FBRSL1: variants seen among roughly 807,000 people sequenced by gnomAD.
FBRSL1 encodes the protein fibrosin-1-like protein.
A neutral mutation model predicts 89.6 loss-of-function variants in FBRSL1; 51 were observed. That is an observed-to-expected ratio of 0.57 (90% CI 0.45 to 0.72). FBRSL1 has a LOEUF of 0.72. Among genes scored for constraint, FBRSL1 ranks in the 30% least tolerant of loss-of-function variants. The pLI is 0.00. For missense variants in FBRSL1, 1,618 were observed against 1,451.8 expected, an observed-to-expected ratio of 1.11 and a Z score of -1.86; for synonymous variants, 779 against 681.1, an observed-to-expected ratio of 1.14 and a Z score of -2.24.
At chr12:132,573,434 G>A (rs1057288129) in intron 11 of FBRSL1, among the ~76,000 whole-genome samples, 6 of 152,210 alleles carry the variant, frequency 3.9e-5, no homozygotes, top group African/African-American at 1.2e-4. Context: ...CCCAGACCCC[G>A]TGGTTGAGGA....
intron 2 of FBRSL1, among the ~76,000 whole-genome samples, chr12:132,525,199 C>T (rs2035688328): frequency 6.6e-6 from 1 of 152,242 alleles, no homozygotes; most frequent in Non-Finnish European, 1.5e-5. Context: ...CACCTCGCTG[C>T]TTGCTCTGGC....
In FBRSL1 at chr12:132,581,694, G is replaced by A. The variant is rs3751306; in HGVS notation, c.1913-47G>A. ...GCCCCCACTGGGCCAGGTGGGAGCC[G>A]CAGCCCACGCCTCACAGACCTCTGG... On this transcript the variant is annotated intron_variant, in intron 16 of 18. Coordinates refer to ENST00000680143, the MANE Select transcript of FBRSL1 (RefSeq NM_001367871.1). 15 of 1,538,708 alleles carry A rather than the reference G, an allele frequency of 9.7e-6. 2 individuals carry two copies. Among genetic ancestry groups the A allele is most frequent in the South Asian group, 7.2e-5 (6 of 83,820 alleles).
intron 9 of FBRSL1, chr12:132,571,967 A>T (rs2040047775): frequency 2.3e-6 from 1 of 434,796 alleles, no homozygotes; most frequent in East Asian, 3.8e-5. Flanking sequence ...TTTGTCAGTA[A>T]CCCGGTGTGT....
chr12:132,540,899 A>G (rs1399747628), intron 4 of FBRSL1, among the ~76,000 whole-genome samples: 1 of 152,210 alleles, frequency 6.6e-6, no homozygotes, highest in Non-Finnish European at 1.5e-5. Context: ...AGCTGAAGAA[A>G]GTTATTTCCC....
chr12:132,522,077 C>T (rs1326104499), intron 2 of FBRSL1, among the ~76,000 whole-genome samples: 1 of 151,736 alleles, frequency 6.6e-6, no homozygotes, highest in Non-Finnish European at 1.5e-5. Flanking sequence ...GCGTGGGTCT[C>T]TGTGTGCAGC....
At chr12:132,561,016 G>A (rs2039079847) in intron 5 of FBRSL1, among the ~76,000 whole-genome samples, 1 of 152,170 alleles carries the variant, frequency 6.6e-6, no homozygotes, top group Admixed American at 6.5e-5. Context: ...AGGTGCAGCT[G>A]CTGTGTGTGG....
At chr12:132,503,122 C>T (rs543146985) in intron 1 of FBRSL1, among the ~76,000 whole-genome samples, 5 of 150,644 alleles carry the variant, frequency 3.3e-5, no homozygotes, top group African/African-American at 1.2e-4. Context: ...CACCCCACCC[C>T]CCAGGAGCCC....
chr12:132,579,623 CT>C (rs1443416699), intron 15 of FBRSL1, among the ~76,000 whole-genome samples: 1 of 152,212 alleles, frequency 6.6e-6, no homozygotes, highest in East Asian at 1.9e-4. Context: ...CTTGTGTAAA[CT>C]GTCGGTACGT....
chr12:132,504,552 C>G (rs2033442632), intron 1 of FBRSL1, among the ~76,000 whole-genome samples: 1 of 152,044 alleles, frequency 6.6e-6, no homozygotes, highest in Non-Finnish European at 1.5e-5. Context: ...CTTGGAGGGC[C>G]CCTGTGTGCG....
intron 2 of FBRSL1, chr12:132,509,971 G>A: frequency 8.1e-7 from 1 of 1,231,718 alleles, no homozygotes; most frequent in African/African-American, 1.6e-5. Flanking sequence ...GGCCAGCCCA[G>A]CCGCCCCCGG....
At chr12:132,512,322 G>A (rs937333631) in intron 2 of FBRSL1, among the ~76,000 whole-genome samples, 4 of 152,234 alleles carry the variant, frequency 2.6e-5, no homozygotes, top group Admixed American at 6.5e-5. Flanking sequence ...GCCTGGGCAC[G>A]CGTGAGGGAG....
intron 4 of FBRSL1, among the ~76,000 whole-genome samples, chr12:132,530,033 C>T (rs893375042): frequency 6.6e-6 from 1 of 152,122 alleles, no homozygotes; most frequent in Non-Finnish European, 1.5e-5. Flanking sequence ...TGATGACACT[C>T]CTCCGCCCTT....
At chr12:132,498,461 C>T (rs867149476) in intron 1 of FBRSL1, among the ~76,000 whole-genome samples, 9 of 152,226 alleles carry the variant, frequency 5.9e-5, no homozygotes, top group African/African-American at 9.6e-5. Flanking sequence ...CGACCCCTCC[C>T]GGCCCCTAGC....
At chr12:132,548,068 A>G (rs2137325880) in intron 5 of FBRSL1, 36 bp downstream of exon 5, 1 of 1,549,200 alleles carries the variant, frequency 6.5e-7, no homozygotes, top group Non-Finnish European at 8.7e-7. Context: ...CTCGGCTGAC[A>G]GCCCTGCCCT....
chr12:132,570,971 C>G, intron 8 of FBRSL1, 97 bp from the exon 9 acceptor site: 1 of 827,210 alleles, frequency 1.2e-6, no homozygotes, highest in Non-Finnish European at 1.5e-6. Flanking sequence ...AGGCTGGGGA[C>G]GGCCCCGTGT....
chr12:132,500,534 C>T (rs759009596), intron 1 of FBRSL1, among the ~76,000 whole-genome samples: 2 of 152,156 alleles, frequency 1.3e-5, no homozygotes, highest in African/African-American at 2.4e-5. Flanking sequence ...AGACCAGCCT[C>T]CGGGGAGTCC....
chr12:132,561,813 C>A (rs749655310), intron 5 of FBRSL1, among the ~76,000 whole-genome samples: 4 of 152,206 alleles, frequency 2.6e-5, no homozygotes, highest in Admixed American at 6.5e-5. Flanking sequence ...CCAGGAGAGA[C>A]CCCAGGGGTC....
chr12:132,517,351 C>T (rs2034934934), intron 2 of FBRSL1, among the ~76,000 whole-genome samples: 1 of 152,230 alleles, frequency 6.6e-6, no homozygotes, highest in Non-Finnish European at 1.5e-5. Context: ...GGCACTGCTC[C>T]CCACAGCCTG....
In FBRSL1 at chr12:132,580,894, G is replaced by A. The variant is rs555393114; in HGVS notation, c.1835-545G>A. ...CAGGGCCCGGGCCCAGGCCCCACACGGTTGCTCTCCAAGGGTTGTTGGGGG... is the reference window on the plus strand; with the variant it reads ...CAGGGCCCGGGCCCAGGCCCCACACAGTTGCTCTCCAAGGGTTGTTGGGGG... On this transcript the variant is annotated intron_variant, in intron 15 of 18. Coordinates refer to ENST00000680143, the MANE Select transcript of FBRSL1 (RefSeq NM_001367871.1). 21 of 985,404 alleles carry A rather than the reference G, an allele frequency of 2.1e-5. No homozygotes were observed. The Admixed American group carries it at 2.5e-4, about 12-fold the overall frequency. The allele number at this position is 985,404 out of a possible 1,614,324, so 61.0% of individuals were successfully genotyped here.
Sources: gnomAD v4.1 joint callset for allele counts (sites outside exome capture counted in the v4.1 genomes callset) on GRCh38, gnomAD v4.1.1 for gene constraint, MANE v1.5 for transcripts, NCBI Gene and HGNC (gene_info 2026-07-23, HGNC 2026-07-21) for gene names.